Variants in XIRP2 observed in about 807,000 individuals in gnomAD.
XIRP2 encodes the protein xin actin binding repeat containing 2, also known as xin actin-binding repeat-containing protein 2.
A neutral mutation model predicts 277.0 loss-of-function variants in XIRP2; 236 were observed. The ratio of observed to expected loss-of-function variants is 0.85; its 90% CI spans 0.77 to 0.95. XIRP2 has a LOEUF of 0.95. Among genes scored for constraint, XIRP2 ranks in the 40% least tolerant of loss-of-function variants. The pLI is 0.00. For synonymous variants in XIRP2, 1,490 were observed against 1,416.5 expected (o/e 1.05, Z -1.17); for missense variants, 4,640 against 4,157.5 (o/e 1.12, Z -3.19).
At chr2:167,025,208 T>C (rs1688116738) in intron 2 of XIRP2, among the ~76,000 whole-genome samples, 1 of 152,232 alleles carries the variant, frequency 6.6e-6, no homozygotes. Context: ...GAGGAATTTA[T>C]CCATTTCTTC....
rs149897594 is a variant in XIRP2, at chr2:166,962,004, G to A, written c.408+58114G>A. ...TGTGTTATGTACCTGAATGAAGATC[G>A]GAAGGTGAAAAAGAGACAATGAGTG... is the stretch of plus-strand genomic sequence containing the variant. On this transcript the variant is annotated intron_variant, in intron 2 of 10. Transcript: ENST00000409195. Among the ~76,000 whole-genome samples, 969 of 151,646 alleles carry A rather than the reference G, an allele frequency of 6.4e-3. 9 individuals are homozygous for A. Among genetic ancestry groups the A allele is most frequent in the African/African-American group, 6.8e-3 (283 of 41,450 alleles).
chr2:167,251,113 C>G lies in XIRP2; in HGVS notation c.9721C>G (p.Pro3241Ala). Residue 3241 changes from proline to alanine, a missense_variant, in exon 9 of 11, where the codon CCA (proline) becomes GCA (alanine). Coordinates refer to ENST00000409195, the MANE Select transcript of XIRP2 (RefSeq NM_152381.6). ...GRDSPPTITI[P>A]VNINHAASGS... ...GGACTCTCCACCTACAATCACAATA[C>G]CAGTAAATATAAATCATGCTGCTAG... 6.2e-7 allele frequency: 1 copy of G among 1,613,514 alleles called. No individual in the cohort carries two copies. The highest frequency in any genetic ancestry group is 8.5e-7 in the Non-Finnish European group (1 of 1,179,744).
chr2:167,115,212 T>C (rs1425612635), intron 2 of XIRP2, among the ~76,000 whole-genome samples: 1 of 152,118 alleles, frequency 6.6e-6, no homozygotes, highest in Non-Finnish European at 1.5e-5. Context: ...TCAGATCCGT[T>C]TGGTTCTTTT....
intron 2 of XIRP2, among the ~76,000 whole-genome samples, chr2:166,906,094 GA>G (rs1439642515): frequency 6.6e-6 from 1 of 151,928 alleles, no homozygotes; most frequent in Non-Finnish European, 1.5e-5. Flanking sequence ...AGATATTGGG[GA>G]TGTGGAAAAA....
intron 3 of XIRP2, among the ~76,000 whole-genome samples, chr2:167,160,111 T>A (rs189382796): frequency 6.8e-4 from 104 of 152,342 alleles, no homozygotes; most frequent in African/African-American, 2.3e-3. Flanking sequence ...GCCCTGAAGT[T>A]CATCTACTAC....
At chr2:167,117,292 C>T (rs115638820) in intron 2 of XIRP2, among the ~76,000 whole-genome samples, 2,440 of 152,216 alleles carry the variant, frequency 0.016, 78 homozygotes, top group African/African-American at 0.056. Context: ...GACTCCTCTG[C>T]TCCACCTCCC....
chr2:167,055,264 G>A (rs1689012862), intron 2 of XIRP2, among the ~76,000 whole-genome samples: 1 of 152,176 alleles, frequency 6.6e-6, no homozygotes, highest in South Asian at 2.1e-4. Context: ...GGGGAAAAAA[G>A]TTAGTGGAGA....
chr2:166,900,147 G>A (rs1684344441), intron 1 of XIRP2, among the ~76,000 whole-genome samples: 1 of 151,824 alleles, frequency 6.6e-6, no homozygotes, highest in Non-Finnish European at 1.5e-5. Context: ...AGTCCAACTT[G>A]TCTCTTAGTT....
chr2:166,898,781 G>A (rs893268001), intron 1 of XIRP2, among the ~76,000 whole-genome samples: 3 of 151,902 alleles, frequency 2.0e-5, no homozygotes, highest in South Asian at 2.1e-4. Context: ...ACCCCAACAC[G>A]TCCCATCCAT....
intron 3 of XIRP2, among the ~76,000 whole-genome samples, chr2:167,140,125 G>C (rs753542045): frequency 1.3e-5 from 2 of 152,172 alleles, no homozygotes; most frequent in Non-Finnish European, 2.9e-5. Flanking sequence ...AACTAGGGAT[G>C]ATCTCCTCTC....
At chr2:166,889,215 G>T (rs922640221) in intron 1 of XIRP2, among the ~76,000 whole-genome samples, 1 of 152,150 alleles carries the variant, frequency 6.6e-6, no homozygotes, top group African/African-American at 2.4e-5. Flanking sequence ...TCCAACAAGG[G>T]TTCTGAATTC....
Position 167,218,192 on chromosome 2 carries a change from A to C in XIRP2, c.750A>C (p.Ala250=), listed in dbSNP as rs1020134155. 11 of 1,601,246 alleles carry C rather than the reference A, an allele frequency of 6.9e-6. No individual in the cohort carries two copies. Among genetic ancestry groups the C allele is most frequent in the Non-Finnish European group, 9.4e-6 (11 of 1,174,878 alleles). The part of the protein sequence containing the change: ...ANMMEESEMC[A]VPGGLAKVKK... Reference sequence around the variant, plus strand: ...TGATGGAAGAATCAGAAATGTGCGCAGTGCCTGGTGGTTTGGCCAAGGTGA... The same window carrying C: ...TGATGGAAGAATCAGAAATGTGCGCCGTGCCTGGTGGTTTGGCCAAGGTGA... The change falls in exon 5 of 11, where the codon GCA becomes GCC. Residue 250 remains alanine (A), a synonymous_variant. Transcript: ENST00000409195.
intron 2 of XIRP2, among the ~76,000 whole-genome samples, chr2:167,010,569 A>T (rs1441160227): frequency 6.6e-6 from 1 of 152,072 alleles, no homozygotes; most frequent in East Asian, 1.9e-4. Flanking sequence ...TTTTGGTTCC[A>T]TATGAACTTT....
intron 2 of XIRP2, among the ~76,000 whole-genome samples, chr2:166,910,597 T>C (rs941524487): frequency 1.3e-5 from 2 of 152,188 alleles, no homozygotes. Context: ...AAGGGTTTTT[T>C]GTGTCTCTAT....
chr2:167,249,849 A>G lies in XIRP2; in HGVS notation c.8457A>G (p.Glu2819=), dbSNP rs1180154553. 1 of 1,613,592 alleles carries G rather than the reference A, an allele frequency of 6.2e-7. No individual in the cohort carries two copies. Among genetic ancestry groups the G allele is most frequent in the Non-Finnish European group, 8.5e-7 (1 of 1,179,742 alleles). Residue 2819 remains glutamate, a synonymous_variant, in exon 9 of 11, where the codon GAA becomes GAG. Coordinates refer to ENST00000409195, the MANE Select transcript of XIRP2 (RefSeq NM_152381.6). ...ACAGAGGGAAACTTCCAGGAAGTGA[A>G]GAAAAAAATCAGGGACCATCAATGA... ...GSDRGKLPGS[E]EKNQGPSMIG... is the part of the protein sequence containing the mutation.
intron 2 of XIRP2, among the ~76,000 whole-genome samples, chr2:167,025,029 GTACCAGTTCC>G (rs1282145251): frequency 3.9e-5 from 6 of 152,044 alleles, no homozygotes; most frequent in African/African-American, 1.2e-4. Flanking sequence ...AGAAGGAATG[GTACCAGTTCC>G]TCCTTGTACC....
At chr2:167,026,370 C>T (rs1272973407) in intron 2 of XIRP2, among the ~76,000 whole-genome samples, 1 of 152,046 alleles carries the variant, frequency 6.6e-6, no homozygotes, top group Non-Finnish European at 1.5e-5. Flanking sequence ...AGATGGGTTT[C>T]CTGAATACAG....
intron 2 of XIRP2, among the ~76,000 whole-genome samples, chr2:167,054,659 G>A (rs1459714097): frequency 4.0e-5 from 6 of 151,180 alleles, no homozygotes; most frequent in Non-Finnish European, 8.8e-5. Flanking sequence ...ACTCCAGCCT[G>A]GGCAACAGAG....
intron 2 of XIRP2, among the ~76,000 whole-genome samples, chr2:166,963,859 G>C (rs947192780): frequency 7.3e-5 from 11 of 151,662 alleles, no homozygotes; most frequent in Admixed American, 6.6e-4. Context: ...CTTTTAAGTA[G>C]AGGAAGTTTG....
Sources: allele counts gnomAD v4.1 joint callset (sites outside exome capture counted in the v4.1 genomes callset), GRCh38; gene constraint gnomAD v4.1.1; transcripts MANE v1.5; gene names NCBI Gene and HGNC (gene_info 2026-07-23, HGNC 2026-07-21).